Variants in KANTR observed in about 807,000 individuals in gnomAD.
KANTR encodes KANTR integral membrane protein.
chrX:53,134,032 A>G (rs1556817334), intron 2 of KANTR, among the ~76,000 whole-genome samples: 1 of 111,115 alleles, frequency 9.0e-6, no homozygotes, highest in Non-Finnish European at 1.9e-5. Context: ...ACAAAACAAT[A>G]CCTTGTTCAG....
At chrX:53,109,879 G>A (rs1216737716) in intron 2 of KANTR, among the ~76,000 whole-genome samples, 12 of 108,770 alleles carry the variant, frequency 1.1e-4, no homozygotes, top group African/African-American at 1.3e-4. Flanking sequence ...TCAGCCTCCC[G>A]AGTAGCTGGG....
chrX:53,110,503 T>C (rs1157449686), intron 2 of KANTR, among the ~76,000 whole-genome samples: 5 of 112,331 alleles, frequency 4.5e-5, no homozygotes, highest in Admixed American at 1.9e-4. Flanking sequence ...TTTAATGTAC[T>C]GTTAAATATG....
chrX:53,117,007 C>T (rs1196900341), intron 2 of KANTR, among the ~76,000 whole-genome samples: 3 of 111,475 alleles, frequency 2.7e-5, no homozygotes, highest in African/African-American at 9.8e-5. Context: ...ATAGGCTGGG[C>T]GCGGCGGCTC....
chrX:53,128,020 G>T (rs782090814), downstream of KANTR, among the ~76,000 whole-genome samples: 2 of 111,521 alleles, frequency 1.8e-5, no homozygotes, highest in African/African-American at 6.5e-5. Flanking sequence ...CATTGTCAAA[G>T]TGAGAACAGG....
At chrX:53,120,785 G>C (rs1556815379) in intron 2 of KANTR, among the ~76,000 whole-genome samples, 1 of 109,892 alleles carries the variant, frequency 9.1e-6, no homozygotes, top group African/African-American at 3.3e-5. Context: ...GCAGTGGCGT[G>C]ATCTCGGCTC....
exon 3 of KANTR, chrX:53,126,430 G>A (rs1933293113): frequency 1.8e-5 from 2 of 110,811 alleles, no homozygotes; most frequent in Admixed American, 1.9e-4. Flanking sequence ...AATTTCTTTA[G>A]GTATATCTTT....
intron 2 of KANTR, among the ~76,000 whole-genome samples, chrX:53,116,577 C>T (rs782594766): frequency 8.9e-5 from 10 of 111,758 alleles, no homozygotes; most frequent in Non-Finnish European, 1.5e-4. Flanking sequence ...TCCTGTACCA[C>T]GGAGATAGGG....
intron 2 of KANTR, among the ~76,000 whole-genome samples, chrX:53,100,985 G>A (rs1932887981): frequency 9.0e-6 from 1 of 111,640 alleles, no homozygotes; most frequent in Non-Finnish European, 1.9e-5. Flanking sequence ...TTCTTCTGCA[G>A]CTTCCTCACC....
intron 2 of KANTR, 109 bp from the exon 3 acceptor site, chrX:53,123,360 T>C (rs1556815781): frequency 8.9e-6 from 1 of 112,208 alleles, no homozygotes. Context: ...TTTGTTTCAC[T>C]GACAAGTATA....
In KANTR at chrX:53,123,178, CT is replaced by C. The variant is rs200574097; in HGVS notation, c.-804-277del. ...GGCTACACACAAATCCTGAGCAAGA[CT>C]TTTTTTTTTTTTTCTGAGCAAGACT... On this transcript the variant is annotated intron_variant, in intron 2 of 2. Transcript: ENST00000604062. 4.2e-3 allele frequency among the ~76,000 whole-genome samples: 415 copies of C among 99,172 alleles called. 2 individuals are homozygous for C. The East Asian group carries it at 0.043, about 10-fold the overall frequency. The allele number at this position is 99,172 out of a possible 115,157, so 86.1% of individuals were successfully genotyped here.
chrX:53,138,578 G>A (rs1243706404), intron 2 of KANTR, among the ~76,000 whole-genome samples: 2 of 109,455 alleles, frequency 1.8e-5, no homozygotes, highest in Non-Finnish European at 3.8e-5. Context: ...GGTGGCGCAT[G>A]CCTGTAATCC....
downstream of KANTR, among the ~76,000 whole-genome samples, chrX:53,131,049 G>C (rs1933356225): frequency 9.0e-6 from 1 of 111,675 alleles, no homozygotes; most frequent in Admixed American, 9.5e-5. Context: ...GAGAGGCTTT[G>C]AAGATGGCTC....
Position 53,105,524 on chromosome X carries a change from C to CT in KANTR, c.-805+5917dup, listed in dbSNP as rs1340959053. On this transcript the variant is annotated intron_variant, in intron 2 of 2. Transcript: ENST00000604062. ...TTTTTTTTGGAGACGGAGTCTCACT[C>CT]TGTCATCCAGGGTGGAGTGCAGTGG... Among the ~76,000 whole-genome samples the CT allele has an allele frequency of 2.4e-4, 26 of 107,643 alleles. No individual in the cohort carries two copies. In the Admixed American group the frequency reaches 2.4e-3, roughly 10 times the overall value. 93.5% of individuals were successfully genotyped at this position (107,643 alleles called of 115,157 possible).
intron 2 of KANTR, among the ~76,000 whole-genome samples, chrX:53,101,147 CAT>C (rs782537441): frequency 8.9e-6 from 1 of 112,960 alleles, no homozygotes; most frequent in African/African-American, 3.2e-5. Flanking sequence ...TCTTATCACT[CAT>C]GTGTTCGCTG....
chrX:53,144,132 C>T (rs963361365), downstream of KANTR, among the ~76,000 whole-genome samples: 5 of 111,834 alleles, frequency 4.5e-5, no homozygotes, highest in African/African-American at 1.6e-4. Context: ...TGGGTGGCTA[C>T]GCCTGTAATC....
intron 2 of KANTR, among the ~76,000 whole-genome samples, chrX:53,134,127 C>T (rs1933392172): frequency 9.0e-6 from 1 of 111,497 alleles, no homozygotes; most frequent in Admixed American, 9.6e-5. Context: ...TTTGGGAGGC[C>T]GAGGTGAGTG....
At chrX:53,131,735 C>G (rs1275138417), downstream of KANTR, among the ~76,000 whole-genome samples, 1 of 112,008 alleles carries the variant, frequency 8.9e-6, no homozygotes, top group Non-Finnish European at 1.9e-5. Flanking sequence ...GATGTCCACT[C>G]TCACCACTTC....
At chrX:53,121,615 T>C (rs1933222567) in intron 2 of KANTR, among the ~76,000 whole-genome samples, 2 of 110,434 alleles carry the variant, frequency 1.8e-5, no homozygotes, top group African/African-American at 3.3e-5. Context: ...TTTTTTTGTT[T>C]GTTTGTTTTT....
intron 2 of KANTR, among the ~76,000 whole-genome samples, chrX:53,140,768 AGTTC>A (rs1933491994): frequency 8.9e-6 from 1 of 112,002 alleles, no homozygotes; most frequent in Non-Finnish European, 1.9e-5. Context: ...GCTGCATTTC[AGTTC>A]CAGGGGTGAG....
Sources: allele counts gnomAD v4.1 joint callset (sites outside exome capture counted in the v4.1 genomes callset), GRCh38; gene constraint gnomAD v4.1.1; transcripts MANE v1.5; gene names NCBI Gene and HGNC (gene_info 2026-07-23, HGNC 2026-07-21).